Variants in POLR3B observed in about 807,000 individuals in gnomAD.
POLR3B encodes RNA polymerase III subunit B.
In POLR3B, 96 loss-of-function variants were observed where a neutral mutation model predicts 147.4. The observed-to-expected ratio is 0.65, with a 90% CI of 0.55 to 0.77. POLR3B has a LOEUF of 0.77. Ranked by LOEUF, POLR3B falls within the 30% of genes least tolerant of loss-of-function variation. The pLI, the probability that POLR3B is intolerant of heterozygous loss-of-function variation, is 0.00. For missense variants in POLR3B, 1,036 were observed against 1,413.5 expected (o/e 0.73, Z 4.28); for synonymous variants, 461 against 485.9 (o/e 0.95, Z 0.67).
chr12:106,506,933 G>T (rs1340008920), intron 27 of POLR3B, among the ~76,000 whole-genome samples: 2 of 152,110 alleles, frequency 1.3e-5, no homozygotes, highest in Admixed American at 6.6e-5. Context: ...GGAGGAAGTC[G>T]CTCTTTAATG....
intron 10 of POLR3B, among the ~76,000 whole-genome samples, chr12:106,396,052 C>T (rs555745844): frequency 6.6e-5 from 10 of 152,188 alleles, no homozygotes; most frequent in African/African-American, 2.4e-4. Flanking sequence ...TGTTTTACAC[C>T]ATCATTGTCT....
chr12:106,406,545 C>A (rs114996576), intron 11 of POLR3B, among the ~76,000 whole-genome samples: 2,471 of 152,284 alleles, frequency 0.016, 67 homozygotes, highest in African/African-American at 0.057. Flanking sequence ...ATGAGTTCAT[C>A]TTCTAGACCT....
At chr12:106,434,177 T>C (rs2037546682) in intron 16 of POLR3B, among the ~76,000 whole-genome samples, 1 of 152,208 alleles carries the variant, frequency 6.6e-6, no homozygotes, top group Non-Finnish European at 1.5e-5. Flanking sequence ...AGACACTATA[T>C]GTGTAAGGCT....
At chr12:106,390,275 G>T (rs867597101) in intron 9 of POLR3B, among the ~76,000 whole-genome samples, 1 of 144,174 alleles carries the variant, frequency 6.9e-6, no homozygotes, top group African/African-American at 2.6e-5. Context: ...TCCCCCCCCA[G>T]TTTTTTTTTA....
intron 10 of POLR3B, 58 bp downstream of exon 10, chr12:106,393,211 C>T (rs554914584): frequency 1.9e-6 from 3 of 1,606,458 alleles, no homozygotes; most frequent in African/African-American, 2.7e-5. Context: ...TAATGCTGCT[C>T]ATTGATAAAG....
intron 10 of POLR3B, among the ~76,000 whole-genome samples, chr12:106,395,136 G>A (rs890620243): frequency 2.0e-5 from 3 of 152,088 alleles, no homozygotes; most frequent in Non-Finnish European, 2.9e-5. Flanking sequence ...GGAGGCTGAG[G>A]CAGGAGGATC....
At position 106,496,787 on chromosome 12, in the gene POLR3B, C is replaced by T. The variant is rs748165243; in HGVS notation, c.2853C>T (p.Ala951=). The change falls in exon 25 of 28, where the codon GCC becomes GCT. Residue 951 remains alanine, a synonymous_variant. Transcript: ENST00000228347. ...GKLIELLAGK[A]GVLDGRFHYG... ...TCATTGAGCTGCTGGCTGGCAAGGCCGGTGTGCTGGACGGCAGATTCCACT... is the reference window on the plus strand; with the variant it reads ...TCATTGAGCTGCTGGCTGGCAAGGCTGGTGTGCTGGACGGCAGATTCCACT... 1.1e-5 allele frequency: 18 copies of T among 1,613,964 alleles called. No individual in the cohort carries two copies. The highest frequency in any genetic ancestry group is 3.3e-5 in the South Asian group (3 of 91,074).
intron 9 of POLR3B, among the ~76,000 whole-genome samples, chr12:106,386,662 C>T (rs2036843554): frequency 6.6e-6 from 1 of 152,048 alleles, no homozygotes; most frequent in Non-Finnish European, 1.5e-5. Flanking sequence ...AATCCCAGCA[C>T]TTTGGGAGGC....
intron 18 of POLR3B, among the ~76,000 whole-genome samples, chr12:106,441,468 C>G (rs1232956019): frequency 6.6e-6 from 1 of 152,088 alleles, no homozygotes; most frequent in African/African-American, 2.4e-5. Context: ...GCAGTTGTAG[C>G]ACAATGGTAA....
At chr12:106,415,785 T>A (rs1565889607) in intron 12 of POLR3B, among the ~76,000 whole-genome samples, 1 of 152,110 alleles carries the variant, frequency 6.6e-6, no homozygotes, top group Admixed American at 6.6e-5. Flanking sequence ...AGTAAACATT[T>A]AAAAAAATAG....
At chr12:106,358,771 G>A (rs1338523687) in intron 1 of POLR3B, among the ~76,000 whole-genome samples, 3 of 152,286 alleles carry the variant, frequency 2.0e-5, no homozygotes, top group African/African-American at 4.8e-5. Context: ...TTAGAGTGAA[G>A]AAAAATAGAG....
chr12:106,455,192 A>G (rs1386515564), intron 20 of POLR3B, among the ~76,000 whole-genome samples: 1 of 152,090 alleles, frequency 6.6e-6, no homozygotes, highest in Non-Finnish European at 1.5e-5. Flanking sequence ...ACGGCCACAA[A>G]CTCTGGCGTG....
intron 9 of POLR3B, among the ~76,000 whole-genome samples, chr12:106,384,186 A>G (rs1169981174): frequency 6.6e-6 from 1 of 152,198 alleles, no homozygotes; most frequent in African/African-American, 2.4e-5. Context: ...AAAAAACACA[A>G]TATCTACAAA....
chr12:106,441,950 C>G (rs1052556429), intron 18 of POLR3B, among the ~76,000 whole-genome samples: 1 of 151,934 alleles, frequency 6.6e-6, no homozygotes, highest in African/African-American at 2.4e-5. Flanking sequence ...TGTGGTGGCG[C>G]ATGTCTGTAA....
intron 12 of POLR3B, among the ~76,000 whole-genome samples, chr12:106,420,796 TA>T (rs1432015830): frequency 6.6e-6 from 1 of 152,190 alleles, no homozygotes; most frequent in East Asian, 1.9e-4. Flanking sequence ...ATTTATATGT[TA>T]TGAAGGGTAC....
At position 106,361,105 on chromosome 12, in the gene POLR3B, T is replaced by C. The variant is rs372754389; in HGVS notation, c.73-2765T>C. Among the ~76,000 whole-genome samples the C allele has an allele frequency of 1.1e-4, 16 of 151,548 alleles. No homozygotes were observed. The East Asian group carries it at 3.1e-3, about 29-fold the overall frequency. On this transcript the variant is annotated intron_variant, in intron 1 of 27. Transcript: ENST00000228347. ...AAGAGGGTGGGGAGGCACTGAAGAG[T>C]TGTAGAGAATGAGGTGCTCAGCTGT...
In POLR3B at chr12:106,383,069, A is replaced by G. The variant is rs961592489; in HGVS notation, c.723+2930A>G. ...CACCTTGCACTTTTATGTTATGGAG[A>G]TGGCTTCTTTCCATAAATCTCATGA... On this transcript the variant is annotated intron_variant, in intron 9 of 27. Transcript: ENST00000228347. Among the ~76,000 whole-genome samples the G allele has an allele frequency of 4.6e-5, 7 of 152,320 alleles. No individual in the cohort carries two copies. In the East Asian group the frequency reaches 5.8e-4, roughly 13 times the overall value.
At chr12:106,506,700 C>CT (rs1169069840) in intron 27 of POLR3B, among the ~76,000 whole-genome samples, 4 of 152,136 alleles carry the variant, frequency 2.6e-5, no homozygotes, top group African/African-American at 9.7e-5. Flanking sequence ...GTTTGAGGGT[C>CT]TTTACTGTAA....
intron 20 of POLR3B, among the ~76,000 whole-genome samples, chr12:106,455,787 A>G (rs2037857373): frequency 1.3e-5 from 2 of 152,296 alleles, no homozygotes; most frequent in South Asian, 2.1e-4. Flanking sequence ...GGCCATACAC[A>G]ATTTCCTAGG....
Sources: gnomAD v4.1 joint callset for allele counts (sites outside exome capture counted in the v4.1 genomes callset) on GRCh38, gnomAD v4.1.1 for gene constraint, MANE v1.5 for transcripts, NCBI Gene and HGNC (gene_info 2026-07-23, HGNC 2026-07-21) for gene names.